Variants in LTBP2 observed in about 807,000 individuals in gnomAD.
LTBP2 encodes the protein latent transforming growth factor beta binding protein 2, also known as latent-transforming growth factor beta-binding protein 2.
Under a neutral mutation model 210.6 loss-of-function variants are expected in LTBP2, and 103 were observed. The ratio of observed to expected loss-of-function variants is 0.49; its 90% CI spans 0.42 to 0.58. The LOEUF is 0.58. Ranked by LOEUF, LTBP2 falls within the 20% of genes least tolerant of loss-of-function variation. LTBP2 has a pLI of 0.00. For synonymous variants in LTBP2, 1,007 were observed against 1,015.0 expected (o/e 0.99, Z 0.15); for missense variants, 2,313 against 2,494.5 (o/e 0.93, Z 1.55).
chr14:74,538,161 G>A (rs746318442), intron 8 of LTBP2, among the ~76,000 whole-genome samples: 29 of 152,258 alleles, frequency 1.9e-4, no homozygotes, highest in Non-Finnish European at 3.5e-4. Context: ...TGTCTTGGTG[G>A]TTTAAAATGT....
rs528986438 is a variant in LTBP2, at chr14:74,578,915, T to C, written c.830+6939A>G. 5.3e-5 allele frequency among the ~76,000 whole-genome samples: 8 copies of C among 152,312 alleles called. No homozygotes were observed. In the East Asian group the frequency reaches 7.7e-4, roughly 15 times the overall value. On this transcript the variant is annotated intron_variant, in intron 3 of 35. Transcript: ENST00000261978. ...TTGTTGCCCAGGCTGGAGTGCAATG[T>C]CGTGATCTTGGCTCACTGCAACCTC...
chr14:74,503,774 A>G (rs1323859446), intron 31 of LTBP2, 152 bp downstream of exon 31: 1 of 1,408,198 alleles, frequency 7.1e-7, no homozygotes, highest in Non-Finnish European at 9.7e-7. Context: ...CTGACAGCCC[A>G]CAGCTCCTTC....
At chr14:74,555,299 C>T (rs994137686) in intron 4 of LTBP2, among the ~76,000 whole-genome samples, 8 of 152,058 alleles carry the variant, frequency 5.3e-5, no homozygotes, top group South Asian at 2.1e-4. Flanking sequence ...AAGGTTGCAA[C>T]GGGGTGAAGT....
chr14:74,501,310 C>T (rs2086907531), intron 35 of LTBP2, 131 bp downstream of exon 35: 2 of 1,415,362 alleles, frequency 1.4e-6, no homozygotes, highest in Non-Finnish European at 1.0e-6. Flanking sequence ...TCCTTTGGCG[C>T]TTTCTTCCCT....
At chr14:74,604,479 T>G (rs1453052147) in intron 1 of LTBP2, among the ~76,000 whole-genome samples, 1 of 151,156 alleles carries the variant, frequency 6.6e-6, no homozygotes, top group Non-Finnish European at 1.5e-5. Context: ...AATTTTTATG[T>G]GGAGGCACAA....
In LTBP2 at chr14:74,535,914, T is replaced by C; in HGVS notation, c.1864+12A>G. The C allele has an allele frequency of 6.2e-7, 1 of 1,613,422 alleles. No individual in the cohort carries two copies. On this transcript the variant is annotated intron_variant, in intron 9 of 35. Coordinates refer to ENST00000261978, the MANE Select transcript of LTBP2 (RefSeq NM_000428.3). ...GCATCCTTGAGCCCAGCCCTGGCCC[T>C]GGGGGTCCTACCTTGGCAGTGAGTG...
chr14:74,505,811 A>G (rs375037430), intron 28 of LTBP2, among the ~76,000 whole-genome samples: 2 of 152,162 alleles, frequency 1.3e-5, no homozygotes, highest in South Asian at 4.1e-4. Flanking sequence ...AGTCAGCATC[A>G]GGGTTTCCTG....
chr14:74,527,415 C>A, intron 12 of LTBP2, 49 bp from the exon 13 acceptor site: 7 of 1,590,112 alleles, frequency 4.4e-6, no homozygotes, highest in Non-Finnish European at 6.0e-6. Context: ...GGTCTGGCTG[C>A]CTTCTCCCCT....
chr14:74,568,077 G>A (rs1595282239), intron 3 of LTBP2, among the ~76,000 whole-genome samples: 4 of 152,228 alleles, frequency 2.6e-5, no homozygotes, highest in Admixed American at 2.0e-4. Flanking sequence ...TGGTGCCTTC[G>A]CACAAATCAC....
chr14:74,593,575 A>G (rs1250893964), intron 2 of LTBP2, among the ~76,000 whole-genome samples: 1 of 152,204 alleles, frequency 6.6e-6, no homozygotes, highest in Non-Finnish European at 1.5e-5. Context: ...AGAGTCTCAC[A>G]CTGTAGCCAC....
At chr14:74,536,676 T>A (rs1050394324) in intron 8 of LTBP2, among the ~76,000 whole-genome samples, 1 of 152,144 alleles carries the variant, frequency 6.6e-6, no homozygotes, top group African/African-American at 2.4e-5. Flanking sequence ...TGAAACCCCA[T>A]CTCTACTAAA....
chr14:74,590,036 T>G (rs1017103112), intron 2 of LTBP2, among the ~76,000 whole-genome samples: 7 of 151,998 alleles, frequency 4.6e-5, no homozygotes, highest in African/African-American at 9.7e-5. Flanking sequence ...AACAAATATA[T>G]GAAAAAATGT....
Position 74,511,253 on chromosome 14 carries a change from C to A in LTBP2, c.3020G>T (p.Ser1007Ile), listed in dbSNP as rs1334220636. ...CEEGYRGQSG[S>I]CVDVNECLTP... ...TGGCCAGCAGCCCTCACCTACACAG[C>A]TCCCACTCTGGCCCCGGTAGCCCTC... The change falls in exon 19 of 36, where the codon AGC (serine) becomes ATC (isoleucine). Residue 1007 changes from serine to isoleucine, a missense_variant. Physicochemically the swap from Ser to Ile is moderately radical, Grantham distance 142. Transcript: ENST00000261978. The A allele has an allele frequency of 2.0e-5, 33 of 1,613,906 alleles. No homozygotes were observed. The highest frequency in any genetic ancestry group is 2.6e-5 in the Non-Finnish European group (31 of 1,179,964).
intron 3 of LTBP2, among the ~76,000 whole-genome samples, chr14:74,584,339 C>T (rs1461421964): frequency 6.6e-6 from 1 of 152,000 alleles, no homozygotes; most frequent in Non-Finnish European, 1.5e-5. Flanking sequence ...AACCCCTGCT[C>T]CTAGCACACA....
At chr14:74,602,584 C>T (rs1175266991) in intron 2 of LTBP2, among the ~76,000 whole-genome samples, 2 of 152,170 alleles carry the variant, frequency 1.3e-5, no homozygotes, top group Non-Finnish European at 2.9e-5. Context: ...CCTGATTGTG[C>T]TTCACGTTCC....
At chr14:74,609,109 G>A (rs1344625836) in intron 1 of LTBP2, among the ~76,000 whole-genome samples, 1 of 152,214 alleles carries the variant, frequency 6.6e-6, no homozygotes, top group Non-Finnish European at 1.5e-5. Context: ...GGCAATGAAT[G>A]GCCAACCTGA....
In LTBP2 at chr14:74,532,326, G is replaced by A. The variant is rs2087360837; in HGVS notation, c.1987+100C>T. On this transcript the variant is annotated intron_variant, in intron 10 of 35. Coordinates refer to ENST00000261978, the MANE Select transcript of LTBP2 (RefSeq NM_000428.3). Reference sequence around the variant, plus strand: ...ACAGGCCCTGAGCATGGCGTGATCAGGTCTGGGGAAAATTGCTGCCCTGGG... The same window carrying A: ...ACAGGCCCTGAGCATGGCGTGATCAAGTCTGGGGAAAATTGCTGCCCTGGG... 2.6e-6 allele frequency: 4 copies of A among 1,541,748 alleles called. No homozygotes were observed. In the East Asian group the frequency reaches 9.0e-5, roughly 35 times the overall value.
At chr14:74,573,204 A>G (rs1229111140) in intron 3 of LTBP2, among the ~76,000 whole-genome samples, 1 of 152,202 alleles carries the variant, frequency 6.6e-6, no homozygotes, top group Non-Finnish European at 1.5e-5. Context: ...CAATGACTAT[A>G]ATCACAAGTT....
intron 17 of LTBP2, among the ~76,000 whole-genome samples, chr14:74,517,724 G>A (rs778794005): frequency 3.9e-5 from 6 of 152,198 alleles, no homozygotes; most frequent in South Asian, 2.1e-4. Context: ...CAAGCAGCCA[G>A]TGAGGGATTG....
Sources: allele counts gnomAD v4.1 joint callset (sites outside exome capture counted in the v4.1 genomes callset), GRCh38; gene constraint gnomAD v4.1.1; transcripts MANE v1.5; gene names NCBI Gene and HGNC (gene_info 2026-07-23, HGNC 2026-07-21).